ZDHHC20: variants seen among roughly 807,000 people sequenced by gnomAD.
ZDHHC20 encodes palmitoyltransferase ZDHHC20.
A neutral mutation model predicts 57.8 loss-of-function variants in ZDHHC20; 43 were observed. The observed-to-expected ratio is 0.74, with a 90% CI of 0.58 to 0.96. ZDHHC20 has a LOEUF of 0.96. Among genes scored for constraint, ZDHHC20 ranks in the 40% least tolerant of loss-of-function variants. The probability of loss-of-function intolerance (pLI) is 0.00; values close to 1 mark genes in which losing one functional copy is unlikely to be tolerated. For missense variants in ZDHHC20, 391 were observed against 441.1 expected (o/e 0.89, Z 1.02); for synonymous variants, 157 against 153.0 (o/e 1.03, Z -0.19).
At position 21,376,625 on chromosome 13, in the gene ZDHHC20, GA is replaced by G; in HGVS notation, c.*70del. The G allele has an allele frequency of 7.2e-7, 1 of 1,381,552 alleles. No homozygotes were observed. The highest frequency in any genetic ancestry group is 9.7e-7 in the Non-Finnish European group (1 of 1,028,384). The allele number at this position is 1,381,552 out of a possible 1,614,324, so 85.6% of individuals were successfully genotyped here. On this transcript the variant is annotated 3_prime_UTR_variant, in exon 13 of 13. Transcript: ENST00000400590. ...GATCATTTTCTTGCAAATGAAAATT[GA>G]AAATACCAGTCTATAATGTTTTCAT...
At chr13:21,391,951 C>A in intron 7 of ZDHHC20, 97 bp from the exon 8 acceptor site, 1 of 1,335,390 alleles carries the variant, frequency 7.5e-7, no homozygotes. Context: ...AAAATACTTG[C>A]CATATTTGAA....
intron 1 of ZDHHC20, among the ~76,000 whole-genome samples, chr13:21,435,420 T>C (rs888892554): frequency 2.6e-5 from 4 of 152,140 alleles, no homozygotes; most frequent in Non-Finnish European, 5.9e-5. Context: ...TGAAATATAT[T>C]GCCAGAAAGA....
At chr13:21,414,642 A>AT (rs1165034711) in intron 3 of ZDHHC20, among the ~76,000 whole-genome samples, 1 of 149,878 alleles carries the variant, frequency 6.7e-6, no homozygotes, top group Non-Finnish European at 1.5e-5. Flanking sequence ...AAGTGGTGGG[A>AT]TTACAGGCGT....
At chr13:21,415,491 G>A (rs1279604968) in intron 3 of ZDHHC20, among the ~76,000 whole-genome samples, 3 of 152,106 alleles carry the variant, frequency 2.0e-5, no homozygotes, top group African/African-American at 7.2e-5. Context: ...TAAGAAGTCA[G>A]GAAAGACTCA....
intron 3 of ZDHHC20, among the ~76,000 whole-genome samples, chr13:21,418,894 A>G (rs1326742340): frequency 1.3e-5 from 2 of 152,132 alleles, no homozygotes; most frequent in African/African-American, 4.8e-5. Flanking sequence ...GGCTGATGTC[A>G]AAGTCCTGGG....
At chr13:21,414,930 TTG>T (rs1335314675) in intron 3 of ZDHHC20, among the ~76,000 whole-genome samples, 1 of 152,106 alleles carries the variant, frequency 6.6e-6, no homozygotes, top group African/African-American at 2.4e-5. Flanking sequence ...TTGTTCTTCA[TTG>T]TGTTTTATAT....
Position 21,427,556 on chromosome 13 carries a change from G to A in ZDHHC20, c.119-1878C>T, listed in dbSNP as rs149611466. Among the ~76,000 whole-genome samples, 1,070 of 152,118 alleles carry A rather than the reference G, an allele frequency of 7.0e-3. 11 individuals are homozygous for A. Among genetic ancestry groups the A allele is most frequent in the African/African-American group, 0.023 (968 of 41,504 alleles). On this transcript the variant is annotated intron_variant, in intron 1 of 12. Coordinates refer to ENST00000400590, the MANE Select transcript of ZDHHC20 (RefSeq NM_001330059.2). ...CTTCATATAAAAACAAAGCTAGGCC[G>A]GGCACGGTGGCTCACGCCTGTAATC... is the stretch of plus-strand genomic sequence containing the variant.
chr13:21,411,582 A>G (rs1879225716), intron 4 of ZDHHC20, among the ~76,000 whole-genome samples: 2 of 152,158 alleles, frequency 1.3e-5, no homozygotes, highest in Admixed American at 6.5e-5. Flanking sequence ...TCTCCACTCA[A>G]CATTCTGACA....
At chr13:21,377,219 A>G (rs1872271811) in intron 12 of ZDHHC20, 1 of 172,748 alleles carries the variant, frequency 5.8e-6, no homozygotes, top group Non-Finnish European at 1.2e-5. Flanking sequence ...CTCCACCCCT[A>G]GTGCCTGCGA....
chr13:21,391,671 T>C, intron 8 of ZDHHC20, 51 bp downstream of exon 8: 1 of 1,537,970 alleles, frequency 6.5e-7, no homozygotes. Flanking sequence ...GATTTCATAT[T>C]TATTTATGGT....
chr13:21,403,382 G>A (rs1308190716), intron 4 of ZDHHC20, among the ~76,000 whole-genome samples: 1 of 151,324 alleles, frequency 6.6e-6, no homozygotes, highest in Non-Finnish European at 1.5e-5. Context: ...ACTCTGAATT[G>A]TTTTCCACTA....
chr13:21,410,086 T>C (rs561095800), intron 4 of ZDHHC20, among the ~76,000 whole-genome samples: 25 of 152,304 alleles, frequency 1.6e-4, no homozygotes, highest in Non-Finnish European at 3.4e-4. Context: ...ATCCTTTCTG[T>C]TGATGTTGAT....
At chr13:21,380,304 T>C (rs571834366) in intron 11 of ZDHHC20, among the ~76,000 whole-genome samples, 22 of 149,262 alleles carry the variant, frequency 1.5e-4, no homozygotes, top group Non-Finnish European at 2.7e-4. Context: ...TTAGTAGAGA[T>C]GGGGTTTCAC....
chr13:21,398,463 CAAAA>C (rs533339364), intron 7 of ZDHHC20, among the ~76,000 whole-genome samples: 1 of 98,252 alleles, frequency 1.0e-5, no homozygotes, highest in African/African-American at 3.4e-5. Flanking sequence ...GACTCCGTCT[CAAAA>C]AAAAAAAAAA....
At chr13:21,396,607 T>TG (rs752318859) in intron 7 of ZDHHC20, among the ~76,000 whole-genome samples, 8 of 151,934 alleles carry the variant, frequency 5.3e-5, no homozygotes, top group Non-Finnish European at 1.0e-4. Flanking sequence ...CCGAGGTGGG[T>TG]GGATCACCTA....
chr13:21,381,825 AAT>A (rs1183462224), intron 10 of ZDHHC20: 1 of 559,518 alleles, frequency 1.8e-6, no homozygotes, highest in Non-Finnish European at 3.4e-6. Flanking sequence ...AAATGTTCTT[AAT>A]ATGTTAATCA....
At chr13:21,433,734 G>C (rs1882250479) in intron 1 of ZDHHC20, among the ~76,000 whole-genome samples, 1 of 152,182 alleles carries the variant, frequency 6.6e-6, no homozygotes, top group South Asian at 2.1e-4. Flanking sequence ...TGAACTTACA[G>C]ATCAACTTGG....
chr13:21,445,121 T>C (rs1324936518), intron 1 of ZDHHC20, among the ~76,000 whole-genome samples: 3 of 152,026 alleles, frequency 2.0e-5, no homozygotes, highest in Admixed American at 2.0e-4. Flanking sequence ...TATATATATA[T>C]GGGAGAGGTT....
intron 1 of ZDHHC20, among the ~76,000 whole-genome samples, chr13:21,432,251 C>T (rs529674037): frequency 5.3e-5 from 8 of 151,394 alleles, no homozygotes; most frequent in South Asian, 2.1e-4. Context: ...CTAAAACCTC[C>T]GCTTCCTGGT....
Sources: allele counts gnomAD v4.1 joint callset (sites outside exome capture counted in the v4.1 genomes callset), GRCh38; gene constraint gnomAD v4.1.1; transcripts MANE v1.5; gene names NCBI Gene and HGNC (gene_info 2026-07-23, HGNC 2026-07-21).